NAALADL2: variants seen among roughly 807,000 people sequenced by gnomAD.
NAALADL2 encodes inactive N-acetylated-alpha-linked acidic dipeptidase-like protein 2.
NAALADL2 carries 76 observed loss-of-function variants against 87.2 expected under a neutral mutation model. The ratio of observed to expected loss-of-function variants is 0.87; its 90% confidence interval spans 0.72 to 1.05. The LOEUF is 1.05. Ranked by LOEUF, NAALADL2 falls within the 50% of genes least tolerant of loss-of-function variation. The pLI, the probability that NAALADL2 is intolerant of heterozygous loss-of-function variation, is 0.00. For synonymous variants in NAALADL2, 354 were observed against 331.0 expected (o/e 1.07, Z -0.75); for missense variants, 1,089 against 945.8 (o/e 1.15, Z -1.99).
intron 1 of NAALADL2, among the ~76,000 whole-genome samples, chr3:174,981,139 C>T (rs1055679504): frequency 3.9e-5 from 6 of 152,076 alleles, no homozygotes; most frequent in African/African-American, 7.2e-5. Flanking sequence ...TTTCCCCCTA[C>T]TCGTTGAGAC....
chr3:174,963,715 G>A (rs1026214222), intron 1 of NAALADL2, among the ~76,000 whole-genome samples: 12 of 151,930 alleles, frequency 7.9e-5, no homozygotes, highest in African/African-American at 1.9e-4. Flanking sequence ...CACATATTAC[G>A]AGCTCAACAA....
intron 3 of NAALADL2, among the ~76,000 whole-genome samples, chr3:174,805,147 C>A (rs1230661927): frequency 6.6e-6 from 1 of 152,060 alleles, no homozygotes; most frequent in East Asian, 1.9e-4. Flanking sequence ...AGTAATTACT[C>A]TGGGAATCTT....
At chr3:175,148,356 T>A (rs2108767852) in intron 2 of NAALADL2, among the ~76,000 whole-genome samples, 1 of 152,086 alleles carries the variant, frequency 6.6e-6, no homozygotes, top group East Asian at 1.9e-4. Flanking sequence ...TGTGGGATAC[T>A]TAATTTGTGA....
At chr3:174,713,995 A>T (rs918053326) in intron 2 of NAALADL2, among the ~76,000 whole-genome samples, 1 of 152,144 alleles carries the variant, frequency 6.6e-6, no homozygotes, top group Non-Finnish European at 1.5e-5. Flanking sequence ...TGAGGAAGGG[A>T]TCCAGTTTCA....
intron 9 of NAALADL2, among the ~76,000 whole-genome samples, chr3:175,528,712 C>T (rs1408435223): frequency 2.0e-5 from 3 of 152,252 alleles, no homozygotes; most frequent in South Asian, 2.1e-4. Context: ...ATGCACTAAT[C>T]CCCAATTCAA....
chr3:175,405,233 T>C (rs1368285242), intron 5 of NAALADL2, among the ~76,000 whole-genome samples: 1 of 152,184 alleles, frequency 6.6e-6, no homozygotes, highest in African/African-American at 2.4e-5. Context: ...TACCTGCATT[T>C]AATTTATAAT....
rs900482060 is a variant in NAALADL2, at chr3:175,369,517, G to C, written c.1090+45192G>C. ...AACAAGTATGTGTGTGCCTGTGTGCGTGTGTGTGTATGTGTATATATACAT... is the reference window on the plus strand; with the variant it reads ...AACAAGTATGTGTGTGCCTGTGTGCCTGTGTGTGTATGTGTATATATACAT... On this transcript the variant is annotated intron_variant, in intron 5 of 13. Coordinates refer to ENST00000454872, the MANE Select transcript of NAALADL2 (RefSeq NM_207015.3). 6 of 152,142 alleles carry C rather than the reference G, an allele frequency of 3.9e-5. 1 individual carries two copies. Among genetic ancestry groups the C allele is most frequent in the East Asian group, 3.9e-4 (2 of 5,180 alleles). The allele number at this position is 152,142 out of a possible 1,614,324, so 9.4% of individuals were successfully genotyped here.
intron 10 of NAALADL2, among the ~76,000 whole-genome samples, chr3:175,590,103 T>C (rs1284573803): frequency 6.6e-6 from 1 of 151,898 alleles, no homozygotes; most frequent in African/African-American, 2.4e-5. Context: ...TCCCAGCTAC[T>C]CAGCAGGCTG....
intron 1 of NAALADL2, among the ~76,000 whole-genome samples, chr3:174,972,774 T>C (rs2108614372): frequency 6.6e-6 from 1 of 151,972 alleles, no homozygotes; most frequent in African/African-American, 2.4e-5. Context: ...GGTGGGCGGG[T>C]CACCTGAGGT....
intron 5 of NAALADL2, among the ~76,000 whole-genome samples, chr3:175,417,894 G>A (rs940459754): frequency 1.3e-5 from 2 of 152,038 alleles, no homozygotes; most frequent in African/African-American, 4.8e-5. Flanking sequence ...CTTTCTTATG[G>A]GCTCCTGAGC....
At chr3:175,194,825 T>G (rs2109084884) in intron 2 of NAALADL2, among the ~76,000 whole-genome samples, 1 of 151,932 alleles carries the variant, frequency 6.6e-6, no homozygotes, top group Admixed American at 6.6e-5. Flanking sequence ...AATTCTGAAT[T>G]AGTTATAATA....
chr3:175,373,808 A>G (rs1226656710), intron 5 of NAALADL2, among the ~76,000 whole-genome samples: 4 of 152,178 alleles, frequency 2.6e-5, no homozygotes, highest in Non-Finnish European at 4.4e-5. Flanking sequence ...CTTGCTCTAC[A>G]TCCTTGAAAC....
Position 174,657,640 on chromosome 3 carries a change from G to T in NAALADL2, c.-114-80001G>T, listed in dbSNP as rs984450791. 9.2e-5 allele frequency among the ~76,000 whole-genome samples: 14 copies of T among 152,086 alleles called. No individual in the cohort carries two copies. In the East Asian group the frequency reaches 2.7e-3, roughly 29 times the overall value. ...ATCAGCGTCTCATTATCACCCAAAG[G>T]GCATAATTGACATCAGGATTCACTC... On this transcript the variant is annotated intron_variant, in intron 2 of 3. Transcript: ENST00000434257.
chr3:174,909,880 T>C (rs1733469347), intron 1 of NAALADL2, among the ~76,000 whole-genome samples: 1 of 152,116 alleles, frequency 6.6e-6, no homozygotes, highest in African/African-American at 2.4e-5. Context: ...AAATGCACAA[T>C]TGTAACATTT....
At chr3:175,242,720 A>G (rs1235133558) in intron 3 of NAALADL2, among the ~76,000 whole-genome samples, 1 of 152,238 alleles carries the variant, frequency 6.6e-6, no homozygotes, top group Non-Finnish European at 1.5e-5. Context: ...ACTTTCAGCA[A>G]ATACATTTTG....
At chr3:174,834,259 C>T (rs1723069613) in intron 3 of NAALADL2, among the ~76,000 whole-genome samples, 1 of 146,952 alleles carries the variant, frequency 6.8e-6, no homozygotes, top group South Asian at 2.2e-4. Context: ...ATTTAATGCC[C>T]ATTTATCATA....
chr3:174,867,965 C>A lies in NAALADL2; in HGVS notation c.43+8515C>A, dbSNP rs570439595. Among the ~76,000 whole-genome samples the A allele has an allele frequency of 3.9e-5, 6 of 152,006 alleles. No individual in the cohort carries two copies. The East Asian group carries it at 1.2e-3, about 29-fold the overall frequency. On this transcript the variant is annotated intron_variant, in intron 1 of 13. Coordinates refer to ENST00000454872, the MANE Select transcript of NAALADL2 (RefSeq NM_207015.3). ...CTCAGAAAGTCTAAGAATGAAAAGGCAAATAACAAATGAAACTTAGAGCAG... is the reference window on the plus strand; with the variant it reads ...CTCAGAAAGTCTAAGAATGAAAAGGAAAATAACAAATGAAACTTAGAGCAG...
At chr3:174,697,895 T>C (rs891793088) in intron 2 of NAALADL2, among the ~76,000 whole-genome samples, 3 of 151,848 alleles carry the variant, frequency 2.0e-5, no homozygotes, top group South Asian at 2.1e-4. Flanking sequence ...ATTGAGACCA[T>C]CCTGGCCAAT....
rs574230138 is a variant in NAALADL2, at chr3:175,365,923, G to T, written c.1090+41598G>T. On this transcript the variant is annotated intron_variant, in intron 5 of 13. Transcript: ENST00000454872. ...TTAGGGTACATGTGCACAATGTGCA[G>T]GTTAGTTACATATGTATACATGTGC... 2.8e-4 allele frequency among the ~76,000 whole-genome samples: 40 copies of T among 144,328 alleles called. 2 individuals carry two copies. The highest frequency in any genetic ancestry group is 1.1e-3 in the Admixed American group (15 of 14,000). The allele number at this position is 144,328 out of a possible 152,430, so 94.7% of individuals were successfully genotyped here.
Sources: gnomAD v4.1 joint callset for allele counts (sites outside exome capture counted in the v4.1 genomes callset) on GRCh38, gnomAD v4.1.1 for gene constraint, MANE v1.5 for transcripts, NCBI Gene and HGNC (gene_info 2026-07-23, HGNC 2026-07-21) for gene names.